CHST9: variants seen among roughly 807,000 people sequenced by gnomAD.
CHST9 encodes the protein carbohydrate sulfotransferase 9.
A neutral mutation model predicts 44.4 loss-of-function variants in CHST9; 41 were observed. That is an observed-to-expected ratio of 0.92 (90% CI 0.72 to 1.20). CHST9 has a LOEUF of 1.20. Ranked by LOEUF, CHST9 falls within the 50% of genes most tolerant of loss-of-function variation. The probability of loss-of-function intolerance (pLI) is 0.00; values close to 1 mark genes in which losing one functional copy is unlikely to be tolerated. For synonymous variants in CHST9, 171 were observed against 178.4 expected, an observed-to-expected ratio of 0.96 and a Z score of 0.33; for missense variants, 504 against 516.5, an observed-to-expected ratio of 0.98 and a Z score of 0.23.
intron 2 of CHST9, among the ~76,000 whole-genome samples, chr18:27,081,496 A>G (rs2143682501): frequency 6.6e-6 from 1 of 152,306 alleles, no homozygotes; most frequent in Admixed American, 6.5e-5. Flanking sequence ...CAGTGCACCT[A>G]CCTTACATTA....
chr18:27,090,868 G>A (rs2058061505), intron 2 of CHST9, among the ~76,000 whole-genome samples: 1 of 152,214 alleles, frequency 6.6e-6, no homozygotes, highest in African/African-American at 2.4e-5. Context: ...ATAGTTTGAA[G>A]TCAGGTAGCG....
intron 5 of CHST9, among the ~76,000 whole-genome samples, chr18:26,942,053 A>G (rs163050): frequency 0.64 from 97,541 of 151,652 alleles, 31,721 homozygotes; most frequent in East Asian, 0.73. Flanking sequence ...AATGCTCAGC[A>G]GCGCTCCATT....
chr18:27,049,658 G>T (rs1052270523), intron 2 of CHST9, among the ~76,000 whole-genome samples: 7 of 152,080 alleles, frequency 4.6e-5, no homozygotes, highest in African/African-American at 1.7e-4. Context: ...GGACCTAACA[G>T]ACATCTACTG....
At chr18:27,124,439 G>T (rs1357574464) in intron 2 of CHST9, among the ~76,000 whole-genome samples, 1 of 152,226 alleles carries the variant, frequency 6.6e-6, no homozygotes, top group East Asian at 1.9e-4. Context: ...ACGTTTGGAT[G>T]ATTTCAAATG....
chr18:27,029,774 T>C (rs937430115), intron 3 of CHST9, among the ~76,000 whole-genome samples: 1 of 152,134 alleles, frequency 6.6e-6, no homozygotes, highest in Non-Finnish European at 1.5e-5. Context: ...CGCAACCATG[T>C]TTTTTCCCCC....
intron 5 of CHST9, among the ~76,000 whole-genome samples, chr18:26,923,915 G>A (rs1297872273): frequency 6.6e-6 from 1 of 152,182 alleles, no homozygotes; most frequent in Non-Finnish European, 1.5e-5. Context: ...GCTACCAGGT[G>A]GACAAGCCAG....
At chr18:27,067,007 A>C (rs2057788726) in intron 2 of CHST9, among the ~76,000 whole-genome samples, 1 of 152,140 alleles carries the variant, frequency 6.6e-6, no homozygotes, top group African/African-American at 2.4e-5. Context: ...TTTTTTATTA[A>C]GATAGAATTA....
chr18:27,136,605 C>G (rs749556326), intron 2 of CHST9, among the ~76,000 whole-genome samples: 5 of 152,184 alleles, frequency 3.3e-5, no homozygotes, highest in Admixed American at 6.5e-5. Context: ...CTAATGGTAC[C>G]TATCTCAGAC....
intron 2 of CHST9, among the ~76,000 whole-genome samples, chr18:27,107,745 C>T (rs565527695): frequency 7.9e-5 from 12 of 152,288 alleles, no homozygotes; most frequent in African/African-American, 2.9e-4. Flanking sequence ...TTTTCTGAGT[C>T]ATTTCAGGGA....
chr18:26,990,879 T>G (rs999818997), intron 4 of CHST9, among the ~76,000 whole-genome samples: 1 of 152,224 alleles, frequency 6.6e-6, no homozygotes, highest in Admixed American at 6.5e-5. Flanking sequence ...TTCCTCCTTC[T>G]GCTCTTCAGG....
intron 3 of CHST9, among the ~76,000 whole-genome samples, chr18:27,046,146 A>C (rs2057497394): frequency 3.2e-3 from 1 of 310 alleles, no homozygotes; most frequent in Non-Finnish European, 6.5e-3. Flanking sequence ...GGGGGTGCCC[A>C]ACCCCCTGCA....
chr18:26,935,189 C>T (rs1374039376), intron 5 of CHST9: 2 of 148,518 alleles, frequency 1.3e-5, no homozygotes, highest in Non-Finnish European at 3.0e-5. Flanking sequence ...TTAATCATCA[C>T]TGAAGATAAC....
At chr18:27,122,424 G>A (rs12605604) in intron 2 of CHST9, among the ~76,000 whole-genome samples, 14,245 of 152,198 alleles carry the variant, frequency 0.094, 810 homozygotes, top group Middle Eastern at 0.18. Flanking sequence ...TCGGAATAGG[G>A]TTACAAGCAA....
intron 1 of CHST9, 46 bp from the exon 2 acceptor site, chr18:27,142,951 T>A: frequency 1.4e-6 from 1 of 704,338 alleles, no homozygotes; most frequent in Non-Finnish European, 2.2e-6. Flanking sequence ...CTGCTAATAT[T>A]AATTCTCAAA....
intron 3 of CHST9, among the ~76,000 whole-genome samples, chr18:27,041,644 A>G (rs1053636901): frequency 2.0e-5 from 3 of 152,158 alleles, no homozygotes; most frequent in African/African-American, 7.2e-5. Flanking sequence ...GTGGTGTGAC[A>G]TGGCAATTTC....
At chr18:26,952,555 G>T in intron 4 of CHST9, 1 of 430,958 alleles carries the variant, frequency 2.3e-6, no homozygotes, top group South Asian at 2.0e-5. Context: ...ACCACCTTGT[G>T]AAAGTTTATT....
intron 2 of CHST9, among the ~76,000 whole-genome samples, chr18:27,101,782 C>T (rs978742778): frequency 5.3e-5 from 8 of 152,282 alleles, no homozygotes; most frequent in African/African-American, 1.7e-4. Context: ...TATTGCAAAA[C>T]TATATTAGGT....
chr18:27,176,602 G>A (rs1178336633), intron 1 of CHST9, among the ~76,000 whole-genome samples: 1 of 152,036 alleles, frequency 6.6e-6, no homozygotes, highest in Non-Finnish European at 1.5e-5. Flanking sequence ...AGATAGACAA[G>A]AAGAAATGCC....
chr18:26,963,671 A>C (rs1288905905), intron 4 of CHST9, among the ~76,000 whole-genome samples: 1 of 152,120 alleles, frequency 6.6e-6, no homozygotes, highest in Non-Finnish European at 1.5e-5. Flanking sequence ...GAATGTAGTG[A>C]GTAAGATCAC....
Sources: gnomAD v4.1 joint callset for allele counts (sites outside exome capture counted in the v4.1 genomes callset) on GRCh38, gnomAD v4.1.1 for gene constraint, MANE v1.5 for transcripts, NCBI Gene and HGNC (gene_info 2026-07-23, HGNC 2026-07-21) for gene names.